Variants in ITPRID2 observed in about 807,000 individuals in gnomAD.
The protein encoded by ITPRID2 is ITPR interacting domain containing 2.
A neutral mutation model predicts 124.3 loss-of-function variants in ITPRID2; 60 were observed. The observed-to-expected ratio is 0.48, with a 90% CI of 0.39 to 0.60. The LOEUF (loss-of-function observed/expected upper bound fraction) is 0.60. Ranked by LOEUF, ITPRID2 falls within the 20% of genes least tolerant of loss-of-function variation. The probability of loss-of-function intolerance (pLI) is 0.00; values close to 1 mark genes in which losing one functional copy is unlikely to be tolerated. For synonymous variants in ITPRID2, 521 were observed against 542.9 expected, an observed-to-expected ratio of 0.96 and a Z score of 0.56; for missense variants, 1,553 against 1,512.2, an observed-to-expected ratio of 1.03 and a Z score of -0.45.
rs1285424595 is a variant in ITPRID2, at chr2:181,915,280, C to T, written c.1640C>T (p.Thr547Met). 5.6e-6 allele frequency: 9 copies of T among 1,614,002 alleles called. No individual in the cohort carries two copies. The highest frequency in any genetic ancestry group is 1.6e-4 in the Middle Eastern group (1 of 6,084). The change falls in exon 11 of 18, where the codon ACG becomes ATG. Residue 547 changes from threonine to methionine, a missense_variant. By Grantham distance (81) the Thr-to-Met change is moderately conservative. Transcript: ENST00000431877. ...ADSCDSETTV[T>M]SLGEDLATPT... ...AGTTGTGACAGTGAGACAACAGTTA[C>T]GTCACTTGGTGAAGACCTTGCCACA...
At chr2:181,906,512 A>G (rs1229221602) in intron 8 of ITPRID2, among the ~76,000 whole-genome samples, 1 of 152,156 alleles carries the variant, frequency 6.6e-6, no homozygotes. Context: ...AGGCTGAGGC[A>G]GGAGGATCAC....
intron 8 of ITPRID2, among the ~76,000 whole-genome samples, chr2:181,904,184 G>A (rs1352450999): frequency 6.6e-6 from 1 of 152,090 alleles, no homozygotes; most frequent in African/African-American, 2.4e-5. Flanking sequence ...ATGTACTTTT[G>A]TGGCAAGTTA....
chr2:181,923,572 C>A (rs1012747341), intron 16 of ITPRID2, among the ~76,000 whole-genome samples: 1 of 152,146 alleles, frequency 6.6e-6, no homozygotes, highest in Non-Finnish European at 1.5e-5. Context: ...GATTAATAAT[C>A]CATTCCTGTT....
chr2:181,919,549 G>C lies in ITPRID2; in HGVS notation c.3144+103G>C. 3 of 1,290,292 alleles carry C rather than the reference G, an allele frequency of 2.3e-6. No individual in the cohort carries two copies. Among genetic ancestry groups the C allele is most frequent in the Non-Finnish European group, 3.1e-6 (3 of 965,028 alleles). 79.9% of individuals were successfully genotyped at this position (1,290,292 alleles called of 1,614,324 possible). A position where few individuals can be genotyped will look rare whatever the true frequency, so the allele number is the denominator to read the frequency against. On this transcript the variant is annotated intron_variant, in intron 14 of 17. Transcript: ENST00000431877. The surrounding 1 kb of genome is among the most constrained non-coding windows in gnomAD (Gnocchi z 4.2). ...TCATTTCAAGTCATTTATTTTAATGGTATTAAAAGCATGCATACTGTTTAA... is the reference window on the plus strand; with the variant it reads ...TCATTTCAAGTCATTTATTTTAATGCTATTAAAAGCATGCATACTGTTTAA...
At chr2:181,898,061 C>G (rs1326385641) in intron 4 of ITPRID2, among the ~76,000 whole-genome samples, 5 of 151,934 alleles carry the variant, frequency 3.3e-5, no homozygotes, top group Non-Finnish European at 5.9e-5. Flanking sequence ...AAAGGAGTCT[C>G]ATGAAAGAGT....
Position 181,902,381 on chromosome 2 carries a change from C to G in ITPRID2, c.1328C>G (p.Pro443Arg), listed in dbSNP as rs1221969291. 1 of 1,613,710 alleles carries G rather than the reference C, an allele frequency of 6.2e-7. No individual in the cohort carries two copies. Among genetic ancestry groups the G allele is most frequent in the Non-Finnish European group, 8.5e-7 (1 of 1,179,842 alleles). The change falls in exon 8 of 18, where the codon CCT (proline) becomes CGT (arginine). Residue 443 changes from proline to arginine, a missense_variant. Transcript: ENST00000431877. The surrounding 1 kb of genome is among the most constrained non-coding windows in gnomAD (Gnocchi z 4.4). ...SELKSVHISTPEKEPCAPLTI... is the reference protein window; with the variant it reads ...SELKSVHISTREKEPCAPLTI... ...CTGAAAAGTGTCCATATATCCACACCTGAAAAAGAGCCTTGTGCACCACTG... is the reference window on the plus strand; with the variant it reads ...CTGAAAAGTGTCCATATATCCACACGTGAAAAAGAGCCTTGTGCACCACTG...
rs532165155 is a variant in ITPRID2, at chr2:181,891,848, C to G, written c.-219C>G. The G allele has an allele frequency of 4.5e-4, 147 of 323,682 alleles. 1 individual carries two copies. Among genetic ancestry groups the G allele is most frequent in the African/African-American group, 3.2e-3 (137 of 43,468 alleles). The allele number at this position is 323,682 out of a possible 1,614,324, so 20.1% of individuals were successfully genotyped here. A position where few individuals can be genotyped will look rare whatever the true frequency, so the allele number is the denominator to read the frequency against. ...GGCCACTAGCGCTCCCGCGCGCGCC[C>G]GGCCGCCTTCATGTGAAGCGCCGGC... On this transcript the variant is annotated 5_prime_UTR_variant, in exon 1 of 18. Coordinates refer to ENST00000431877, the MANE Select transcript of ITPRID2 (RefSeq NM_001130445.3).
At chr2:181,903,962 A>T (rs1692886331) in intron 8 of ITPRID2, among the ~76,000 whole-genome samples, 1 of 152,202 alleles carries the variant, frequency 6.6e-6, no homozygotes, top group African/African-American at 2.4e-5. Context: ...ATAGCAGAGC[A>T]TAAAGATCTA....
chr2:181,900,151 T>C (rs1429599784), intron 6 of ITPRID2, among the ~76,000 whole-genome samples: 1 of 152,186 alleles, frequency 6.6e-6, no homozygotes, highest in East Asian at 1.9e-4. Context: ...ACCTTACTCC[T>C]CCTACTTCCT....
rs1437197811 is a variant in ITPRID2 at position 181,902,760 on chromosome 2, G to C, written c.1413+294G>C. Among the ~76,000 whole-genome samples, 3 of 152,180 alleles carry C rather than the reference G, an allele frequency of 2.0e-5. No individual in the cohort carries two copies. The highest frequency in any genetic ancestry group is 4.4e-5 in the Non-Finnish European group (3 of 68,030). Reference sequence around the variant, plus strand: ...TTTGATGCTCAAGAAAGCCCTGAGAGAGTATATTTAAATTCAAAGCAATAT... The same window carrying C: ...TTTGATGCTCAAGAAAGCCCTGAGACAGTATATTTAAATTCAAAGCAATAT... On this transcript the variant is annotated intron_variant, in intron 8 of 17. Coordinates refer to ENST00000431877, the MANE Select transcript of ITPRID2 (RefSeq NM_001130445.3). This position sits in a 1 kb window ranked among gnomAD's most constrained non-coding sequence, Gnocchi z 4.4.
chr2:181,922,096 C>G lies in ITPRID2; in HGVS notation c.3359C>G (p.Pro1120Arg), dbSNP rs1156711286. 1.2e-6 allele frequency: 2 copies of G among 1,614,174 alleles called. No individual in the cohort carries two copies. Among genetic ancestry groups the G allele is most frequent in the Non-Finnish European group, 1.7e-6 (2 of 1,180,038 alleles). ...TSESSSVCSG[P>R]SHANRRTGVP... is the part of the protein sequence containing the mutation. ...GAATCATCTTCTGTATGTTCTGGTC[C>G]CTCTCATGCTAACAGAAGAACTGGA... Residue 1120 changes from proline (P) to arginine (R), a missense_variant, in exon 16 of 18, where the codon CCC becomes CGC. Coordinates refer to ENST00000431877, the MANE Select transcript of ITPRID2 (RefSeq NM_001130445.3).
rs1219814681 is a variant in ITPRID2, at chr2:181,902,242, A to G, written c.1189A>G (p.Lys397Glu). Residue 397 changes from lysine (K) to glutamate (E), a missense_variant, in exon 8 of 18, where the codon AAA becomes GAA. By Grantham distance (56) the Lys-to-Glu change is moderately conservative (BLOSUM62 1). Transcript: ENST00000431877. This position sits in a 1 kb window ranked among gnomAD's most constrained non-coding sequence, Gnocchi z 4.4. ...FNQGTENEQS[K>E]ETQSHESKLG... is the part of the protein sequence containing the mutation. ...CCAAGGAACTGAAAATGAACAAAGT[A>G]AAGAAACTCAAAGTCATGAGAGTAA... 1 of 1,612,946 alleles carries G rather than the reference A, an allele frequency of 6.2e-7. No individual in the cohort carries two copies. The highest frequency in any genetic ancestry group is 8.5e-7 in the Non-Finnish European group (1 of 1,179,346).
chr2:181,894,638 GTC>G (rs1164607714), intron 2 of ITPRID2: 4 of 152,082 alleles, frequency 2.6e-5, no homozygotes, highest in African/African-American at 9.7e-5. Flanking sequence ...TTCTCAAATA[GTC>G]TTTGTTTCTT....
rs1024010460 is a variant in ITPRID2 at position 181,930,123 on chromosome 2, A to C, written c.*576A>C. 6.5e-6 allele frequency: 1 copy of C among 152,928 alleles called. No individual in the cohort carries two copies. Among genetic ancestry groups the C allele is most frequent in the Admixed American group, 6.5e-5 (1 of 15,310 alleles). The allele number at this position is 152,928 out of a possible 1,614,324, so 9.5% of individuals were successfully genotyped here. On this transcript the variant is annotated 3_prime_UTR_variant, in exon 18 of 18. Coordinates refer to ENST00000431877, the MANE Select transcript of ITPRID2 (RefSeq NM_001130445.3). ...TTTATGAGGTTACCTACAACTACTT[A>C]ATGTACTTACACTGTAAGCCTTGTT...
Position 181,919,119 on chromosome 2 carries a change from T to C in ITPRID2, c.2994-177T>C, listed in dbSNP as rs985870967. ...CGTGTTTGAGATATTTGTGAGAGGA[T>C]AGGGGAAGAAAGACTAATGTCCTTG... On this transcript the variant is annotated intron_variant, in intron 13 of 17. Coordinates refer to ENST00000431877, the MANE Select transcript of ITPRID2 (RefSeq NM_001130445.3). This position sits in a 1 kb window ranked among gnomAD's most constrained non-coding sequence, Gnocchi z 4.2. Among the ~76,000 whole-genome samples, 1 of 152,176 alleles carries C rather than the reference T, an allele frequency of 6.6e-6. No homozygotes were observed. The highest frequency in any genetic ancestry group is 1.5e-5 in the Non-Finnish European group (1 of 68,024).
chr2:181,895,790 A>T (rs1558977125), intron 2 of ITPRID2, among the ~76,000 whole-genome samples: 1 of 151,960 alleles, frequency 6.6e-6, no homozygotes, highest in Non-Finnish European at 1.5e-5. Flanking sequence ...TTTTGCCCCT[A>T]ATTGTTAGCA....
intron 16 of ITPRID2, among the ~76,000 whole-genome samples, chr2:181,926,712 C>CAAAA (rs567004734): frequency 3.0e-5 from 2 of 65,970 alleles, no homozygotes; most frequent in African/African-American, 5.2e-5. Flanking sequence ...GAATCCATCT[C>CAAAA]AAAAAAAAAA....
rs575892508 is a variant in ITPRID2, at chr2:181,898,432, TA to T, written c.365-440del. ...ATGTGTGAAAAATCAGTTATAACCT[TA>T]AAAAAAATTCACATTAGAAACTGAC... On this transcript the variant is annotated intron_variant, in intron 4 of 17. Transcript: ENST00000431877. 5.0e-3 allele frequency among the ~76,000 whole-genome samples: 761 copies of T among 151,974 alleles called. 4 individuals are homozygous for T. Among genetic ancestry groups the T allele is most frequent in the African/African-American group, 0.017 (692 of 41,482 alleles).
rs995127773 is a variant in ITPRID2 at position 181,915,931 on chromosome 2, C to A, written c.2291C>A (p.Thr764Asn). 1 of 1,614,166 alleles carries A rather than the reference C, an allele frequency of 6.2e-7. No individual in the cohort carries two copies. Among genetic ancestry groups the A allele is most frequent in the African/African-American group, 1.3e-5 (1 of 75,026 alleles). The change falls in exon 11 of 18, where the codon ACC (threonine) becomes AAC (asparagine). Residue 764 changes from threonine to asparagine, a missense_variant. Transcript: ENST00000431877. ...GTTCGATTATCTCCAGGAAAAGAGACCAGATGCAGCCCACCTTCCTTCACC... is the reference window on the plus strand; with the variant it reads ...GTTCGATTATCTCCAGGAAAAGAGAACAGATGCAGCCCACCTTCCTTCACC... The part of the protein sequence containing the change: ...VNVRLSPGKE[T>N]RCSPPSFTYK...
Sources: gnomAD v4.1 joint callset for allele counts (sites outside exome capture counted in the v4.1 genomes callset) on GRCh38, gnomAD v4.1.1 for gene constraint, Gnocchi (gnomAD v3.1) non-coding constraint, MANE v1.5 for transcripts, NCBI Gene and HGNC (gene_info 2026-07-23, HGNC 2026-07-21) for gene names.